KIF15: variants seen among roughly 807,000 people sequenced by gnomAD.
KIF15 encodes the protein kinesin-like protein KIF15.
In KIF15, 140 loss-of-function variants were observed where a neutral mutation model predicts 190.6. The ratio of observed to expected loss-of-function variants is 0.73; its 90% CI spans 0.64 to 0.84. The LOEUF (loss-of-function observed/expected upper bound fraction) is 0.84. KIF15 is among the 40% of genes least tolerant of loss of function. The pLI is 0.00. For synonymous variants in KIF15, 528 were observed against 551.3 expected (o/e 0.96, Z 0.59); for missense variants, 1,372 against 1,584.4 (o/e 0.87, Z 2.28).
At chr3:44,863,306 C>CG (rs961244169) in intron 6 of KIF15, 3 of 107,006 alleles carry the variant, frequency 2.8e-5, no homozygotes, top group African/African-American at 5.9e-5. Flanking sequence ...CCGCACCCCC[C>CG]CCCCCCGCCG....
At chr3:44,854,757 T>C (rs2125735400), downstream of KIF15, among the ~76,000 whole-genome samples, 1 of 152,278 alleles carries the variant, frequency 6.6e-6, no homozygotes, top group East Asian at 1.9e-4. Context: ...CTCAGAGCCA[T>C]AGGGGAGAAT....
chr3:44,818,862 C>T (rs1396662916), intron 20 of KIF15, among the ~76,000 whole-genome samples: 1 of 152,184 alleles, frequency 6.6e-6, no homozygotes, highest in Non-Finnish European at 1.5e-5. Context: ...GGCTGTGAAT[C>T]CGTCTGGTCC....
At chr3:44,860,016 C>T (rs550472255) in intron 6 of KIF15, among the ~76,000 whole-genome samples, 5 of 152,256 alleles carry the variant, frequency 3.3e-5, no homozygotes, top group African/African-American at 1.2e-4. Flanking sequence ...ACGATGTAGT[C>T]CCTGCCCTCA....
At chr3:44,819,447 T>G (rs997521411) in intron 20 of KIF15, among the ~76,000 whole-genome samples, 2 of 152,212 alleles carry the variant, frequency 1.3e-5, no homozygotes, top group Non-Finnish European at 2.9e-5. Context: ...ACATTGTATC[T>G]TTGTTCTCAT....
chr3:44,791,910 G>A (rs1423277790), intron 7 of KIF15, among the ~76,000 whole-genome samples: 3 of 151,930 alleles, frequency 2.0e-5, no homozygotes, highest in African/African-American at 7.2e-5. Flanking sequence ...GTAGAGACGG[G>A]GTTTCACCAT....
intron 9 of KIF15, 31 bp from the exon 10 acceptor site, chr3:44,797,803 C>T (rs895715022): frequency 1.2e-6 from 2 of 1,607,900 alleles, no homozygotes; most frequent in Non-Finnish European, 1.7e-6. Flanking sequence ...GATTTCTCAC[C>T]GAAAATATGT....
At chr3:44,827,127 T>G in intron 22 of KIF15, 1 of 435,132 alleles carries the variant, frequency 2.3e-6, no homozygotes, top group Non-Finnish European at 4.6e-6. Context: ...CCAGAACATT[T>G]AGAGTTGAAA....
chr3:44,765,530 A>G (rs953616348), intron 1 of KIF15, among the ~76,000 whole-genome samples: 3 of 152,170 alleles, frequency 2.0e-5, no homozygotes, highest in Non-Finnish European at 4.4e-5. Flanking sequence ...CTTTCTTTCT[A>G]TGACTGCACA....
At chr3:44,790,170 T>C (rs552700153) in intron 7 of KIF15, among the ~76,000 whole-genome samples, 23 of 152,258 alleles carry the variant, frequency 1.5e-4, no homozygotes, top group African/African-American at 5.3e-4. Context: ...ATGAGTATCA[T>C]ATACTTTATG....
intron 1 of KIF15, among the ~76,000 whole-genome samples, chr3:44,772,209 C>T (rs1705673873): frequency 6.6e-6 from 1 of 152,130 alleles, no homozygotes; most frequent in East Asian, 1.9e-4. Flanking sequence ...CTCAGTGGGG[C>T]CCTTTAAGAG....
chr3:44,826,393 G>A lies in KIF15; in HGVS notation c.2719G>A (p.Glu907Lys), dbSNP rs762737000. 6.2e-7 allele frequency: 1 copy of A among 1,613,182 alleles called. No homozygotes were observed. Among genetic ancestry groups the A allele is most frequent in the Non-Finnish European group, 8.5e-7 (1 of 1,179,576 alleles). The change falls in exon 22 of 35, where the codon GAG becomes AAG. Residue 907 changes from glutamate to lysine, a missense_variant. Glu to Lys is a moderately conservative substitution (Grantham distance 56). Coordinates refer to ENST00000326047, the MANE Select transcript of KIF15 (RefSeq NM_020242.3). Reference sequence around the variant, plus strand: ...CTTTTAGAATTTGATGGAGCTTCTTGAGGCAGAAAAAGAACGCAATAACAA... The same window carrying A: ...CTTTTAGAATTTGATGGAGCTTCTTAAGGCAGAAAAAGAACGCAATAACAA... ...SDLNNLMELL[E>K]AEKERNNKLS...
In KIF15 at chr3:44,815,012, G is replaced by A. The variant is rs1432442332; in HGVS notation, c.2485G>A (p.Glu829Lys). 1.2e-6 allele frequency: 2 copies of A among 1,612,450 alleles called. No individual in the cohort carries two copies. Among genetic ancestry groups the A allele is most frequent in the Admixed American group, 1.7e-5 (1 of 59,632 alleles). The stretch of plus-strand genomic sequence containing the variant: ...ATATAGTTCATTCAAAACGAATCAG[G>A]AGAAAGAATTCAACAAACTTTCCGA... The part of the protein sequence containing the change: ...LEYSSFKTNQ[E>K]KEFNKLSERH... Residue 829 changes from glutamate to lysine, a missense_variant, in exon 20 of 35, where the codon GAG becomes AAG. Physicochemically the swap from Glu to Lys is moderately conservative, Grantham distance 56. Coordinates refer to ENST00000326047, the MANE Select transcript of KIF15 (RefSeq NM_020242.3).
chr3:44,763,506 T>C (rs767955436), intron 1 of KIF15, among the ~76,000 whole-genome samples: 22 of 151,756 alleles, frequency 1.4e-4, no homozygotes, highest in Non-Finnish European at 3.2e-4. Context: ...TTCACTGTGT[T>C]GGCCAGGATG....
At chr3:44,836,278 C>A (rs1213897906) in intron 26 of KIF15, among the ~76,000 whole-genome samples, 1 of 152,068 alleles carries the variant, frequency 6.6e-6, no homozygotes, top group Admixed American at 6.6e-5. Flanking sequence ...ATCGCTTGAA[C>A]CTGGGAGGTG....
rs903652102 is a variant in KIF15 at position 44,821,503 on chromosome 3, C to T, written c.2550-4536C>T. Among the ~76,000 whole-genome samples, 38 of 151,340 alleles carry T rather than the reference C, an allele frequency of 2.5e-4. 1 individual carries two copies. The highest frequency in any genetic ancestry group is 2.0e-3 in the Admixed American group (31 of 15,202). ...CCCAGACGGGGCGGCGGGGCAGAGG[C>T]GCTCCCCACATCTCAGACGATGAGT... On this transcript the variant is annotated intron_variant, in intron 20 of 34. Coordinates refer to ENST00000326047, the MANE Select transcript of KIF15 (RefSeq NM_020242.3).
At chr3:44,799,632 C>T (rs1320723085) in intron 10 of KIF15, among the ~76,000 whole-genome samples, 1 of 150,770 alleles carries the variant, frequency 6.6e-6, no homozygotes, top group African/African-American at 2.4e-5. Context: ...CATGTGTGAC[C>T]TGCCCCACTC....
In KIF15 at chr3:44,802,904, A is replaced by C; in HGVS notation, c.1600A>C (p.Lys534Gln). The change falls in exon 14 of 35, where the codon AAA becomes CAA. Residue 534 changes from lysine to glutamine, a missense_variant. By Grantham distance (53) the Lys-to-Gln change is moderately conservative. Transcript: ENST00000326047. ...NRRLRLLEPV[K>Q]RAQEMDAQTI... is the part of the protein sequence containing the mutation. ...AAGACTGAGATTATTAGAGCCTGTG[A>C]AAAGAGCTCAAGAAATGGATGCCCA... is the stretch of plus-strand genomic sequence containing the variant. 1 of 1,612,714 alleles carries C rather than the reference A, an allele frequency of 6.2e-7. No homozygotes were observed. Among genetic ancestry groups the C allele is most frequent in the South Asian group, 1.1e-5 (1 of 90,746 alleles).
chr3:44,780,839 CTTTTAA>C (rs1451071662), intron 4 of KIF15, 40 bp from the exon 5 acceptor site: 2 of 1,341,406 alleles, frequency 1.5e-6, no homozygotes, highest in Non-Finnish European at 2.1e-6. Flanking sequence ...GAGGAGTAGT[CTTTTAA>C]TTTTATGTGT....
At position 44,790,976 on chromosome 3, in the gene KIF15, C is replaced by T. The variant is rs75708831; in HGVS notation, c.640-3241C>T. ...GATTACAGGCGCGAGCCACTGGGCCCGGCCCCTTCTGTTTCTTAATGTTTT... is the reference window on the plus strand; with the variant it reads ...GATTACAGGCGCGAGCCACTGGGCCTGGCCCCTTCTGTTTCTTAATGTTTT... On this transcript the variant is annotated intron_variant, in intron 7 of 34. Transcript: ENST00000326047. 3.2e-3 allele frequency among the ~76,000 whole-genome samples: 490 copies of T among 152,238 alleles called. 19 individuals are homozygous for T. The East Asian group carries it at 0.081, about 25-fold the overall frequency.
Sources: allele counts gnomAD v4.1 joint callset (sites outside exome capture counted in the v4.1 genomes callset), GRCh38; gene constraint gnomAD v4.1.1; transcripts MANE v1.5; gene names NCBI Gene and HGNC (gene_info 2026-07-23, HGNC 2026-07-21).